Variants in HTR3B observed in about 807,000 individuals in gnomAD.
HTR3B encodes 5-hydroxytryptamine (serotonin) receptor 3B, ionotropic.
HTR3B carries 44 observed loss-of-function variants against 42.8 expected under a neutral mutation model. That is an observed-to-expected ratio of 1.03 (90% CI 0.81 to 1.32). HTR3B has a LOEUF of 1.32. HTR3B is among the 40% of genes most tolerant of loss of function. HTR3B has a pLI of 0.00. For synonymous variants in HTR3B, 203 were observed against 209.0 expected (o/e 0.97, Z 0.25); for missense variants, 527 against 536.5 (o/e 0.98, Z 0.17).
At chr11:113,909,891 G>T (rs532334803) in intron 2 of HTR3B, among the ~76,000 whole-genome samples, 1 of 151,038 alleles carries the variant, frequency 6.6e-6, no homozygotes, top group East Asian at 2.0e-4. Flanking sequence ...GGATGAAGAG[G>T]GAGAATAGCT....
intron 2 of HTR3B, among the ~76,000 whole-genome samples, chr11:113,926,508 C>CTTTCCTTTCA (rs1949975734): frequency 7.1e-6 from 1 of 140,186 alleles, no homozygotes; most frequent in African/African-American, 2.7e-5. Context: ...CTTTCCTTTC[C>CTTTCCTTTCA]TTTCCTTTCC....
intron 2 of HTR3B, among the ~76,000 whole-genome samples, chr11:113,911,264 T>C (rs1949790087): frequency 6.6e-6 from 1 of 152,200 alleles, no homozygotes; most frequent in Non-Finnish European, 1.5e-5. Flanking sequence ...AGAGTCTGGC[T>C]CTGTCACCCA....
intron 2 of HTR3B, among the ~76,000 whole-genome samples, chr11:113,917,171 C>T (rs1050599451): frequency 6.7e-6 from 1 of 149,218 alleles, no homozygotes; most frequent in African/African-American, 2.5e-5. Flanking sequence ...TCACTCTTGT[C>T]CCCCAGGCTG....
chr11:113,940,437 G>A (rs1314332108), intron 6 of HTR3B, among the ~76,000 whole-genome samples: 1 of 152,010 alleles, frequency 6.6e-6, no homozygotes, highest in East Asian at 1.9e-4. Flanking sequence ...CCTTTTTCCT[G>A]CCCCCACCTA....
chr11:113,947,643 G>A lies in HTR3B; in HGVS notation c.*1506G>A, dbSNP rs1565570494. Among the ~76,000 whole-genome samples, 1 of 152,092 alleles carries A rather than the reference G, an allele frequency of 6.6e-6. No individual in the cohort carries two copies. The highest frequency in any genetic ancestry group is 1.5e-5 in the Non-Finnish European group (1 of 68,018). ...GTCCAGATTTTCTCTTCTAACAAGG[G>A]CACCAGTGTTGTTGGTTTAGGGTCC... On this transcript the variant is annotated 3_prime_UTR_variant, in exon 9 of 9. Transcript: ENST00000260191.
At chr11:113,899,234 A>C in the HTR3B span, among the ~76,000 whole-genome samples, 1 of 152,190 alleles carries the variant, frequency 6.6e-6, no homozygotes, top group Non-Finnish European at 1.5e-5. Flanking sequence ...TAAAATGTGC[A>C]TTATTATTAA....
chr11:113,947,116 T>C lies in HTR3B; in HGVS notation c.*979T>C, dbSNP rs1950186836. On this transcript the variant is annotated 3_prime_UTR_variant, in exon 9 of 9. Transcript: ENST00000260191. ...ACCCAGGTGCCAAGGCTTCTTTTTT[T>C]TTTTTTGAGGCAGAGTCTTGCTCTG... Among the ~76,000 whole-genome samples the C allele has an allele frequency of 6.6e-6, 1 of 151,904 alleles. No individual in the cohort carries two copies. Among genetic ancestry groups the C allele is most frequent in the Non-Finnish European group, 1.5e-5 (1 of 67,946 alleles).
chr11:113,921,613 G>A (rs111907100), intron 2 of HTR3B, among the ~76,000 whole-genome samples: 1 of 144,724 alleles, frequency 6.9e-6, no homozygotes, highest in African/African-American at 2.6e-5. Flanking sequence ...ATGAGACTCC[G>A]TCTCAAAAAA....
intron 1 of HTR3B, among the ~76,000 whole-genome samples, chr11:113,905,362 A>G (rs1229579481): frequency 6.6e-6 from 1 of 152,190 alleles, no homozygotes; most frequent in Non-Finnish European, 1.5e-5. Flanking sequence ...TTTATTATCC[A>G]AAATAGTCTT....
chr11:113,906,018 TTAAAC>T (rs1280615594), intron 1 of HTR3B, among the ~76,000 whole-genome samples: 2 of 152,166 alleles, frequency 1.3e-5, no homozygotes, highest in African/African-American at 4.8e-5. Context: ...ATCGTGAACA[TTAAAC>T]TAAGATAAAA....
chr11:113,926,833 C>T (rs1236343126), intron 2 of HTR3B, among the ~76,000 whole-genome samples: 2 of 152,158 alleles, frequency 1.3e-5, no homozygotes, highest in Non-Finnish European at 2.9e-5. Flanking sequence ...CCAGCCCAGA[C>T]TGGTTTTCAA....
intron 1 of HTR3B, among the ~76,000 whole-genome samples, chr11:113,908,348 C>A (rs759311058): frequency 7.2e-5 from 11 of 152,180 alleles, no homozygotes; most frequent in Non-Finnish European, 1.6e-4. Flanking sequence ...TTTGGCAGCT[C>A]ATCAAAATAA....
At chr11:113,933,773 C>A (rs1358179898) in intron 6 of HTR3B, among the ~76,000 whole-genome samples, 1 of 152,158 alleles carries the variant, frequency 6.6e-6, no homozygotes, top group Non-Finnish European at 1.5e-5. Flanking sequence ...CAGAGGCAGC[C>A]ATTGTCCCAT....
chr11:113,932,515 T>A, intron 5 of HTR3B, 57 bp downstream of exon 5: 17 of 1,307,320 alleles, frequency 1.3e-5, no homozygotes, highest in Non-Finnish European at 1.8e-5. Flanking sequence ...TGAAATGATA[T>A]TATACTATCC....
chr11:113,919,597 G>A (rs1949891956), intron 2 of HTR3B, among the ~76,000 whole-genome samples: 1 of 152,140 alleles, frequency 6.6e-6, no homozygotes, highest in Non-Finnish European at 1.5e-5. Flanking sequence ...GGGAGGCCGA[G>A]GCAGGTGGAT....
chr11:113,926,331 A>T (rs578220554), intron 2 of HTR3B, among the ~76,000 whole-genome samples: 1 of 152,076 alleles, frequency 6.6e-6, no homozygotes, highest in Non-Finnish European at 1.5e-5. Flanking sequence ...GAATATTTTT[A>T]TACAGGTTTT....
chr11:113,945,025 G>A (rs911029331), intron 8 of HTR3B, among the ~76,000 whole-genome samples: 32 of 152,218 alleles, frequency 2.1e-4, no homozygotes, highest in African/African-American at 6.7e-4. Context: ...GGCTGGTCTC[G>A]AACTCCTAGG....
chr11:113,932,585 C>T (rs569014352), intron 5 of HTR3B, 127 bp downstream of exon 5: 42 of 855,312 alleles, frequency 4.9e-5, no homozygotes, highest in African/African-American at 1.9e-4. Flanking sequence ...TCTCTTCTTG[C>T]GGTTTTTTGG....
At chr11:113,904,327 T>C (rs549652207), upstream of HTR3B, among the ~76,000 whole-genome samples, 47 of 152,320 alleles carry the variant, frequency 3.1e-4, no homozygotes, top group Admixed American at 2.0e-3. Flanking sequence ...CAAAAGTCAA[T>C]GTTTCTTTTA....
Sources: allele counts gnomAD v4.1 joint callset (sites outside exome capture counted in the v4.1 genomes callset), GRCh38; gene constraint gnomAD v4.1.1; transcripts MANE v1.5; gene names NCBI Gene and HGNC (gene_info 2026-07-23, HGNC 2026-07-21).